EFCAB11: variants seen among roughly 807,000 people sequenced by gnomAD.
EFCAB11 encodes the protein EF-hand calcium binding domain 11, also known as EF-hand calcium-binding domain-containing protein 11.
A neutral mutation model predicts 23.0 loss-of-function variants in EFCAB11; 14 were observed. The observed-to-expected ratio is 0.61, with a 90% confidence interval of 0.40 to 0.95. EFCAB11 has a LOEUF of 0.95. Among genes scored for constraint, EFCAB11 ranks in the 40% least tolerant of loss-of-function variants. The pLI is 0.00. For missense variants in EFCAB11, 198 were observed against 195.8 expected, an observed-to-expected ratio of 1.01 and a Z score of -0.07; for synonymous variants, 65 against 66.6, an observed-to-expected ratio of 0.98 and a Z score of 0.11.
intron 5 of EFCAB11, among the ~76,000 whole-genome samples, chr14:89,919,650 G>T (rs546932834): frequency 2.0e-5 from 3 of 152,142 alleles, no homozygotes; most frequent in African/African-American, 7.2e-5. Flanking sequence ...GGCAGAGTAG[G>T]GGGGAGAGTA....
At chr14:89,851,975 CTT>C (rs1475804636) in intron 5 of EFCAB11, among the ~76,000 whole-genome samples, 1 of 152,162 alleles carries the variant, frequency 6.6e-6, no homozygotes, top group African/African-American at 2.4e-5. Context: ...CCAAAAGAGT[CTT>C]TGGAAATTTA....
chr14:89,907,787 T>C (rs1889544166), intron 5 of EFCAB11, among the ~76,000 whole-genome samples: 1 of 152,190 alleles, frequency 6.6e-6, no homozygotes, highest in African/African-American at 2.4e-5. Flanking sequence ...GTGTTTCCAA[T>C]GTGGAGTCAG....
chr14:89,949,772 T>C (rs896512769), intron 3 of EFCAB11, among the ~76,000 whole-genome samples: 7 of 152,180 alleles, frequency 4.6e-5, no homozygotes, highest in Admixed American at 3.3e-4. Context: ...AGAAGTTTAA[T>C]GGACTTACAT....
rs999291894 is a variant in EFCAB11, at chr14:89,821,377, G to T, written c.411-24053C>A. On this transcript the variant is annotated intron_variant, in intron 5 of 5. Transcript: ENST00000316738. ...TGGACTTGCCAGCCCCCACAATCCTGCAAGCCAGTTCCTTAAAACCAGTCT... is the reference window on the plus strand; with the variant it reads ...TGGACTTGCCAGCCCCCACAATCCTTCAAGCCAGTTCCTTAAAACCAGTCT... Among the ~76,000 whole-genome samples, 6 of 152,228 alleles carry T rather than the reference G, an allele frequency of 3.9e-5. No homozygotes were observed. In the South Asian group the frequency reaches 1.2e-3, roughly 32 times the overall value.
intron 5 of EFCAB11, among the ~76,000 whole-genome samples, chr14:89,812,325 A>T (rs1886176619): frequency 6.6e-6 from 1 of 152,244 alleles, no homozygotes; most frequent in African/African-American, 2.4e-5. Context: ...ATGTGCAGGG[A>T]CAAGCCACGT....
chr14:89,910,116 G>C (rs1889627801), intron 5 of EFCAB11, among the ~76,000 whole-genome samples: 1 of 152,178 alleles, frequency 6.6e-6, no homozygotes, highest in Non-Finnish European at 1.5e-5. Flanking sequence ...CCCAGTATCT[G>C]CAATGCAGAA....
At chr14:89,880,266 T>G (rs1043821669) in intron 5 of EFCAB11, among the ~76,000 whole-genome samples, 3 of 152,164 alleles carry the variant, frequency 2.0e-5, no homozygotes, top group African/African-American at 7.2e-5. Context: ...CTTTCCACCA[T>G]GTGACACACC....
At chr14:89,824,961 G>A (rs1886641178) in intron 5 of EFCAB11, among the ~76,000 whole-genome samples, 2 of 151,886 alleles carry the variant, frequency 1.3e-5, no homozygotes, top group South Asian at 4.2e-4. Context: ...CACAGAGACA[G>A]GAAATCAGTA....
chr14:89,901,636 C>T (rs1445369385), intron 5 of EFCAB11, among the ~76,000 whole-genome samples: 3 of 152,344 alleles, frequency 2.0e-5, no homozygotes, highest in African/African-American at 7.2e-5. Flanking sequence ...AGAAAACCTA[C>T]ATATCTTGAG....
chr14:89,932,674 C>T, intron 3 of EFCAB11, 47 bp from the exon 4 acceptor site: 2 of 1,446,950 alleles, frequency 1.4e-6, no homozygotes, highest in Non-Finnish European at 1.9e-6. Flanking sequence ...TTGTCTTCCT[C>T]TTTAAGAAAA....
chr14:89,819,274 T>A (rs1392335380), intron 5 of EFCAB11, among the ~76,000 whole-genome samples: 3 of 152,158 alleles, frequency 2.0e-5, no homozygotes, highest in Non-Finnish European at 4.4e-5. Context: ...TATGATTCCA[T>A]TTATATAATA....
chr14:89,937,324 A>T (rs2139820334), intron 3 of EFCAB11, among the ~76,000 whole-genome samples: 1 of 152,272 alleles, frequency 6.6e-6, no homozygotes, highest in South Asian at 2.1e-4. Flanking sequence ...TGGGCTTCCC[A>T]TTCTTCCCTA....
chr14:89,875,901 G>A (rs1888422835), intron 5 of EFCAB11, among the ~76,000 whole-genome samples: 1 of 152,184 alleles, frequency 6.6e-6, no homozygotes, highest in African/African-American at 2.4e-5. Context: ...CACCAAGGGA[G>A]AGTGGAAGCA....
At chr14:89,863,604 T>A (rs1887996641) in intron 5 of EFCAB11, among the ~76,000 whole-genome samples, 1 of 152,236 alleles carries the variant, frequency 6.6e-6, no homozygotes, top group Non-Finnish European at 1.5e-5. Flanking sequence ...CCCAAAGAGA[T>A]CATATGCTGT....
rs757678971 is a variant in EFCAB11 at position 89,863,284 on chromosome 14, A to C, written c.411-65960T>G. 2.6e-5 allele frequency among the ~76,000 whole-genome samples: 4 copies of C among 152,368 alleles called. No individual in the cohort carries two copies. The East Asian group carries it at 7.7e-4, about 29-fold the overall frequency. On this transcript the variant is annotated intron_variant, in intron 5 of 5. Transcript: ENST00000316738. The stretch of plus-strand genomic sequence containing the variant: ...TTGATGATAGTCAGATTCAGAAGTG[A>C]TCTATATGACCAACTCCTAACAATT...
chr14:89,876,273 G>C (rs1248058840), intron 5 of EFCAB11, among the ~76,000 whole-genome samples: 1 of 152,112 alleles, frequency 6.6e-6, no homozygotes, highest in African/African-American at 2.4e-5. Context: ...GAGAAAAAGA[G>C]GAGGAGGAGG....
intron 5 of EFCAB11, among the ~76,000 whole-genome samples, chr14:89,901,806 G>A (rs779911801): frequency 6.6e-6 from 1 of 152,008 alleles, no homozygotes; most frequent in Non-Finnish European, 1.5e-5. Context: ...CCTTAATCCA[G>A]AATCTGAAAT....
intron 5 of EFCAB11, among the ~76,000 whole-genome samples, chr14:89,858,870 G>A (rs991803439): frequency 2.0e-5 from 3 of 151,962 alleles, no homozygotes; most frequent in Admixed American, 1.3e-4. Context: ...ATAGAAATAC[G>A]ATATACATAA....
chr14:89,920,598 C>G (rs908118035), intron 5 of EFCAB11, among the ~76,000 whole-genome samples: 50 of 152,206 alleles, frequency 3.3e-4, no homozygotes, highest in African/African-American at 1.0e-3. Flanking sequence ...GAGCCCAACC[C>G]AAGATGTTCC....
Sources: allele counts gnomAD v4.1 joint callset (sites outside exome capture counted in the v4.1 genomes callset), GRCh38; gene constraint gnomAD v4.1.1; transcripts MANE v1.5; gene names NCBI Gene and HGNC (gene_info 2026-07-23, HGNC 2026-07-21).